Variants in DYNC2LI1 observed in about 807,000 individuals in gnomAD.
DYNC2LI1 encodes the protein dynein cytoplasmic 2 light intermediate chain 1, also known as cytoplasmic dynein 2 light intermediate chain 1.
In DYNC2LI1, 45 loss-of-function variants were observed where a neutral mutation model predicts 51.9. The observed-to-expected ratio is 0.87, with a 90% CI of 0.68 to 1.11. The LOEUF is 1.11. Among genes scored for constraint, DYNC2LI1 ranks in the 50% most tolerant of loss-of-function variants. DYNC2LI1 has a pLI of 0.00. For synonymous variants in DYNC2LI1, 130 were observed against 137.8 expected (o/e 0.94, Z 0.40); for missense variants, 490 against 417.4 (o/e 1.17, Z -1.51).
intron 8 of DYNC2LI1, among the ~76,000 whole-genome samples, chr2:43,797,091 C>T (rs1665889383): frequency 6.6e-6 from 1 of 152,128 alleles, no homozygotes. Flanking sequence ...TTGGTATCCC[C>T]TTAAGAATTA....
At chr2:43,808,881 G>C (rs1211370826) in intron 12 of DYNC2LI1, among the ~76,000 whole-genome samples, 1 of 151,446 alleles carries the variant, frequency 6.6e-6, no homozygotes, top group South Asian at 2.1e-4. Flanking sequence ...CAGAGCAATG[G>C]GTTTCCTTCT....
intron 2 of DYNC2LI1, among the ~76,000 whole-genome samples, chr2:43,780,857 C>T (rs1673247278): frequency 6.6e-6 from 1 of 152,016 alleles, no homozygotes; most frequent in Non-Finnish European, 1.5e-5. Context: ...TTTTGATGGT[C>T]TCTAAATGAA....
the DYNC2LI1 span, among the ~76,000 whole-genome samples, chr2:43,821,258 T>C: frequency 6.6e-6 from 1 of 152,234 alleles, no homozygotes; most frequent in Non-Finnish European, 1.5e-5. Flanking sequence ...TTGCCTTTGA[T>C]GATTTTATAG....
the DYNC2LI1 span, chr2:43,819,975 A>G: frequency 6.2e-7 from 1 of 1,614,144 alleles, no homozygotes; most frequent in Non-Finnish European, 8.5e-7. Context: ...TACACTGTTG[A>G]CTATATTTGG....
In DYNC2LI1 at chr2:43,804,678, T is replaced by C; in HGVS notation, c.839T>C (p.Leu280Pro). ...GTTCCTGAAAATGACATTGGAAAGC[T>C]TCATGCCCACTCACCTATGGAGTTG... ...PPVPENDIGK[L>P]HAHSPMELWK... is the part of the protein sequence containing the mutation. The change falls in exon 11 of 13, where the codon CTT becomes CCT. Residue 280 changes from leucine to proline, a missense_variant. Coordinates refer to ENST00000260605, the MANE Select transcript of DYNC2LI1 (RefSeq NM_016008.4). The C allele has an allele frequency of 6.2e-7, 1 of 1,609,612 alleles. No individual in the cohort carries two copies. The highest frequency in any genetic ancestry group is 1.1e-5 in the South Asian group (1 of 89,780).
At chr2:43,797,936 G>A (rs1665939480) in intron 8 of DYNC2LI1, among the ~76,000 whole-genome samples, 2 of 152,064 alleles carry the variant, frequency 1.3e-5, no homozygotes, top group Non-Finnish European at 2.9e-5. Flanking sequence ...GACCAGCCTG[G>A]GCAACATGGT....
chr2:43,812,981 C>T, downstream of DYNC2LI1: 1 of 687,878 alleles, frequency 1.5e-6, no homozygotes. Context: ...CCAAGAGGCA[C>T]AAATGGAGTC....
intron 1 of DYNC2LI1, among the ~76,000 whole-genome samples, chr2:43,775,118 T>C (rs1165875077): frequency 6.6e-6 from 1 of 152,244 alleles, no homozygotes; most frequent in African/African-American, 2.4e-5. Flanking sequence ...TTAACAATTA[T>C]GACAATCCTA....
At chr2:43,788,578 C>G (rs1352941108) in intron 4 of DYNC2LI1, among the ~76,000 whole-genome samples, 1 of 152,176 alleles carries the variant, frequency 6.6e-6, no homozygotes, top group Non-Finnish European at 1.5e-5. Context: ...CATTAGCCAA[C>G]AGTCTAGGAA....
chr2:43,785,974 T>G (rs1199333664), intron 3 of DYNC2LI1, among the ~76,000 whole-genome samples: 4 of 152,084 alleles, frequency 2.6e-5, no homozygotes. Flanking sequence ...TTATGTGTTC[T>G]TTACCATAAT....
At chr2:43,823,639 G>A in the DYNC2LI1 span, among the ~76,000 whole-genome samples, 2 of 152,124 alleles carry the variant, frequency 1.3e-5, no homozygotes, top group African/African-American at 4.8e-5. Context: ...TAGGAGGAAT[G>A]ATCTTTTGAA....
chr2:43,798,000 A>G (rs1243719592), intron 8 of DYNC2LI1, among the ~76,000 whole-genome samples: 2 of 152,044 alleles, frequency 1.3e-5, no homozygotes, highest in Non-Finnish European at 2.9e-5. Flanking sequence ...GGTGGCACAC[A>G]CCAGTTGTCT....
Position 43,782,791 on chromosome 2 carries a change from A to T in DYNC2LI1, c.127-729A>T, listed in dbSNP as rs140751212. 6.6e-3 allele frequency among the ~76,000 whole-genome samples: 1,007 copies of T among 152,134 alleles called. 12 individuals are homozygous for T. The highest frequency in any genetic ancestry group is 0.023 in the African/African-American group (952 of 41,518). ...GAGGCCAGGAGTTCAAGACCAGCCT[A>T]GCCAACATGGCAAAACCTTGTTTCT... On this transcript the variant is annotated intron_variant, in intron 2 of 12. Coordinates refer to ENST00000260605, the MANE Select transcript of DYNC2LI1 (RefSeq NM_016008.4).
the DYNC2LI1 span, among the ~76,000 whole-genome samples, chr2:43,826,158 C>G: frequency 6.6e-6 from 1 of 150,918 alleles, no homozygotes; most frequent in East Asian, 2.0e-4. Flanking sequence ...CTTTTTCTTT[C>G]TTTCTTTCTT....
chr2:43,775,820 T>G (rs779148034), intron 1 of DYNC2LI1: 1 of 242,284 alleles, frequency 4.1e-6, no homozygotes, highest in South Asian at 3.8e-5. Context: ...CCTGAGTAGC[T>G]GGAGTTACAG....
chr2:43,808,475 C>G (rs149432342), intron 12 of DYNC2LI1, among the ~76,000 whole-genome samples: 2 of 152,226 alleles, frequency 1.3e-5, no homozygotes, highest in East Asian at 3.9e-4. Context: ...GCAGAGTAAC[C>G]ACGTTTTATT....
chr2:43,803,195 A>T (rs1485030488), intron 10 of DYNC2LI1, among the ~76,000 whole-genome samples: 2 of 152,144 alleles, frequency 1.3e-5, no homozygotes, highest in Non-Finnish European at 2.9e-5. Flanking sequence ...ATGAAAACTT[A>T]ACTCTCACAC....
intron 10 of DYNC2LI1, 134 bp downstream of exon 10, chr2:43,801,843 G>C: frequency 1.6e-6 from 1 of 623,524 alleles, no homozygotes; most frequent in Non-Finnish European, 2.8e-6. Context: ...CTGTGTGTTT[G>C]TTTATATGCC....
At chr2:43,810,381 G>C (rs186836054), downstream of DYNC2LI1, 125 of 985,270 alleles carry the variant, frequency 1.3e-4, no homozygotes, top group East Asian at 0.01. Context: ...TGAAGAACAG[G>C]CACATCTAAG....
Sources: gnomAD v4.1 joint callset for allele counts (sites outside exome capture counted in the v4.1 genomes callset) on GRCh38, gnomAD v4.1.1 for gene constraint, MANE v1.5 for transcripts, NCBI Gene and HGNC (gene_info 2026-07-23, HGNC 2026-07-21) for gene names.